UPRT: variants seen among roughly 807,000 people sequenced by gnomAD.
UPRT encodes RP11-311P8.3.
UPRT carries 5 observed loss-of-function variants against 22.6 expected under a neutral mutation model. That is an observed-to-expected ratio of 0.22 (90% CI 0.12 to 0.47). The LOEUF (loss-of-function observed/expected upper bound fraction) is 0.47. Among genes scored for constraint, UPRT ranks in the 20% least tolerant of loss-of-function variants. The probability of loss-of-function intolerance (pLI) is 0.99; values close to 1 mark genes in which losing one functional copy is unlikely to be tolerated. For missense variants in UPRT, 181 were observed against 239.9 expected (o/e 0.75, Z 1.62); for synonymous variants, 77 against 87.7 (o/e 0.88, Z 0.68).
chrX:75,166,904 T>G (rs1171212192), intron 3 of UPRT, among the ~76,000 whole-genome samples: 1 of 112,511 alleles, frequency 8.9e-6, no homozygotes, highest in African/African-American at 3.2e-5. Flanking sequence ...CTGTATAATT[T>G]TTTATTACCA....
At chrX:75,272,300 G>GTATATATATA, upstream of UPRT, among the ~76,000 whole-genome samples, 1 of 21,350 alleles carries the variant, frequency 4.7e-5, no homozygotes, top group South Asian at 5.5e-3. Flanking sequence ...ATATATATGT[G>GTATATATATA]TATATATATG....
At chrX:75,240,980 A>T (rs939628745) in intron 4 of UPRT, among the ~76,000 whole-genome samples, 6 of 111,859 alleles carry the variant, frequency 5.4e-5, no homozygotes, top group African/African-American at 1.9e-4. Context: ...AAATTCTAGA[A>T]GATAACATCA....
intron 4 of UPRT, among the ~76,000 whole-genome samples, chrX:75,203,589 A>G (rs936376927): frequency 2.7e-5 from 3 of 110,568 alleles, no homozygotes; most frequent in Non-Finnish European, 5.7e-5. Context: ...CGTAAGGCCT[A>G]CAGAAGTGGG....
intron 1 of UPRT, among the ~76,000 whole-genome samples, chrX:75,278,678 T>A: frequency 8.9e-6 from 1 of 112,154 alleles, no homozygotes; most frequent in Non-Finnish European, 1.9e-5. Flanking sequence ...TCCTGAAACA[T>A]TAAAGCTGTT....
chrX:75,240,158 T>A (rs189874180), intron 4 of UPRT, among the ~76,000 whole-genome samples: 3 of 111,134 alleles, frequency 2.7e-5, no homozygotes, highest in African/African-American at 9.8e-5. Context: ...AATCAAACTA[T>A]TGCTGTTTGG....
chrX:75,173,445 A>G (rs2082236021), intron 4 of UPRT, among the ~76,000 whole-genome samples: 1 of 112,329 alleles, frequency 8.9e-6, no homozygotes, highest in Non-Finnish European at 1.9e-5. Flanking sequence ...TGAGCTAGAC[A>G]CAGGGTGCTG....
chrX:75,283,654 G>A (rs989424474), intron 1 of UPRT, among the ~76,000 whole-genome samples: 6 of 111,747 alleles, frequency 5.4e-5, no homozygotes, highest in African/African-American at 2.0e-4. Flanking sequence ...TAGGGTTTCT[G>A]CTGACAAATC....
intron 4 of UPRT, among the ~76,000 whole-genome samples, chrX:75,233,637 T>G (rs957637625): frequency 9.0e-6 from 1 of 111,209 alleles, no homozygotes; most frequent in Non-Finnish European, 1.9e-5. Context: ...ATATTCAACA[T>G]TCTTAAAGAA....
At chrX:75,249,537 C>T (rs944643860) in intron 4 of UPRT, among the ~76,000 whole-genome samples, 11 of 111,544 alleles carry the variant, frequency 9.9e-5, no homozygotes, top group Non-Finnish European at 1.9e-4. Flanking sequence ...GCACCCAATA[C>T]AGGAGCACCC....
Position 75,186,444 on chromosome X carries a change from A to G in UPRT, c.-447+18565A>G, listed in dbSNP as rs757823984. ...GCTGAGGAGAGCTTTACTTCCAATT[A>G]TGTGGTCAATTTTGGAATAGGTGTG... On this transcript the variant is annotated intron_variant, in intron 4 of 13. Coordinates refer to the UPRT transcript ENST00000652605. Among the ~76,000 whole-genome samples, 8 of 111,490 alleles carry G rather than the reference A, an allele frequency of 7.2e-5. No individual in the cohort carries two copies. In the East Asian group the frequency reaches 1.7e-3, roughly 23 times the overall value.
chrX:75,264,346 G>C (rs2082579418), intron 4 of UPRT, among the ~76,000 whole-genome samples: 1 of 111,339 alleles, frequency 9.0e-6, no homozygotes, highest in Non-Finnish European at 1.9e-5. Flanking sequence ...CATTATTATT[G>C]TGTGGGTGTC....
At chrX:75,198,216 T>G (rs186587870) in intron 4 of UPRT, among the ~76,000 whole-genome samples, 271 of 112,664 alleles carry the variant, frequency 2.4e-3, no homozygotes, top group Non-Finnish European at 4.1e-3. Context: ...CTCCCAGACG[T>G]TATGTTGAGT....
At chrX:75,277,268 T>C (rs1482402646) in intron 1 of UPRT, among the ~76,000 whole-genome samples, 1 of 111,642 alleles carries the variant, frequency 9.0e-6, no homozygotes, top group East Asian at 2.8e-4. Flanking sequence ...GTCATGATAA[T>C]GTAAAGGTGA....
At position 75,274,627 on chromosome X, in the gene UPRT, A is replaced by G. The variant is rs1012122798; in HGVS notation, c.373A>G (p.Ile125Val). 2.5e-6 allele frequency: 3 copies of G among 1,195,597 alleles called. No homozygotes were observed. The highest frequency in any genetic ancestry group is 3.4e-6 in the Non-Finnish European group (3 of 886,124). The change falls in exon 1 of 7, where the codon ATC becomes GTC. Residue 125 changes from isoleucine (I) to valine (V), a missense_variant. This residue lies in a region of UPRT where 111 missense variants were observed against 102.8 expected (regional missense o/e 1.08). Coordinates refer to ENST00000373383, the MANE Select transcript of UPRT (RefSeq NM_145052.4). ...TGATCAGATACGGGAGCTACAGACC[A>G]TCATCCGTGACAAGTAAGCCAAGAG... ...MNDQIRELQTIIRDKTASRGD... is the reference protein window; with the variant it reads ...MNDQIRELQTVIRDKTASRGD...
chrX:75,206,888 T>A (rs1051216428), intron 4 of UPRT, among the ~76,000 whole-genome samples: 1 of 111,989 alleles, frequency 8.9e-6, no homozygotes, highest in East Asian at 2.8e-4. Flanking sequence ...ATGGTCTCGA[T>A]CTCCTGACCT....
intron 1 of UPRT, among the ~76,000 whole-genome samples, chrX:75,278,118 A>G (rs920752197): frequency 4.2e-4 from 47 of 111,576 alleles, no homozygotes; most frequent in Admixed American, 4.8e-4. Context: ...AATAGAAGCC[A>G]CTGGAGTACA....
At chrX:75,234,381 A>G (rs1177037038) in intron 4 of UPRT, among the ~76,000 whole-genome samples, 1 of 111,066 alleles carries the variant, frequency 9.0e-6, no homozygotes, top group East Asian at 2.8e-4. Flanking sequence ...GATCAATGAG[A>G]CAGAAAGTCA....
At chrX:75,223,296 G>A (rs891958556) in intron 4 of UPRT, among the ~76,000 whole-genome samples, 3 of 109,791 alleles carry the variant, frequency 2.7e-5, no homozygotes, top group African/African-American at 1.0e-4. Flanking sequence ...CATTAGGCTG[G>A]CTGTCTGGTG....
intron 4 of UPRT, among the ~76,000 whole-genome samples, chrX:75,233,526 C>T (rs1234524200): frequency 3.6e-5 from 4 of 110,283 alleles, no homozygotes; most frequent in East Asian, 5.7e-4. Flanking sequence ...ATGTGAAGGG[C>T]AGCCAGAGAG....
Sources: allele counts gnomAD v4.1 joint callset (sites outside exome capture counted in the v4.1 genomes callset), GRCh38; gene constraint gnomAD v4.1.1; regional missense constraint gnomAD v4.1.1; transcripts MANE v1.5; gene names NCBI Gene and HGNC (gene_info 2026-07-23, HGNC 2026-07-21).